HFM1: variants seen among roughly 807,000 people sequenced by gnomAD.
HFM1 encodes helicase for meiosis 1.
HFM1 carries 169 observed loss-of-function variants against 192.1 expected under a neutral mutation model. The ratio of observed to expected loss-of-function variants is 0.88; its 90% CI spans 0.78 to 1.00. HFM1 has a LOEUF of 1.00. Ranked by LOEUF, HFM1 falls within the 50% of genes least tolerant of loss-of-function variation. HFM1 has a pLI of 0.00. For missense variants in HFM1, 1,661 were observed against 1,668.0 expected, an observed-to-expected ratio of 1.00 and a Z score of 0.07; for synonymous variants, 525 against 537.8, an observed-to-expected ratio of 0.98 and a Z score of 0.33.
intron 30 of HFM1, among the ~76,000 whole-genome samples, chr1:91,290,496 G>C (rs985496527): frequency 3.3e-5 from 5 of 152,150 alleles, no homozygotes; most frequent in African/African-American, 1.2e-4. Context: ...AACAAGAAGA[G>C]CTAACTATCC....
At chr1:91,274,581 C>A in intron 33 of HFM1, 149 bp downstream of exon 33, 2 of 439,008 alleles carry the variant, frequency 4.6e-6, no homozygotes, top group South Asian at 5.3e-5. Context: ...ATAATGAAAC[C>A]ATTATGATGT....
chr1:91,363,802 T>C (rs1463605130), intron 13 of HFM1, among the ~76,000 whole-genome samples: 2 of 152,170 alleles, frequency 1.3e-5, no homozygotes, highest in African/African-American at 4.8e-5. Context: ...CCATCAGTGA[T>C]AGACTGGATA....
At chr1:91,406,355 G>C (rs537213556), upstream of HFM1, among the ~76,000 whole-genome samples, 4 of 152,318 alleles carry the variant, frequency 2.6e-5, no homozygotes, top group East Asian at 7.7e-4. Flanking sequence ...GTACAGGGGA[G>C]TCTTACTGTC....
At chr1:91,358,343 C>G (rs1172880719) in intron 13 of HFM1, among the ~76,000 whole-genome samples, 1 of 151,884 alleles carries the variant, frequency 6.6e-6, no homozygotes, top group Non-Finnish European at 1.5e-5. Flanking sequence ...TGGATAGTGA[C>G]AGCAAAACTG....
chr1:91,313,124 A>G (rs1274728115), intron 30 of HFM1, among the ~76,000 whole-genome samples: 2 of 152,160 alleles, frequency 1.3e-5, no homozygotes, highest in Non-Finnish European at 2.9e-5. Context: ...ACTAATACAT[A>G]TACCAAAAGA....
At chr1:91,322,842 C>A (rs1652334061) in intron 23 of HFM1, 108 bp downstream of exon 23, 4 of 514,726 alleles carry the variant, frequency 7.8e-6, no homozygotes, top group South Asian at 4.2e-5. Flanking sequence ...AATTTCACAT[C>A]CACATTCTGA....
intron 36 of HFM1, 81 bp from the exon 37 acceptor site, chr1:91,262,673 AAT>A: frequency 1.2e-6 from 1 of 822,874 alleles, no homozygotes; most frequent in Non-Finnish European, 2.0e-6. Flanking sequence ...ATTTTTGGGG[AAT>A]ATGATCAAAG....
At position 91,295,580 on chromosome 1, in the gene HFM1, G is replaced by A. The variant is rs140991320; in HGVS notation, c.3391+17769C>T. On this transcript the variant is annotated intron_variant, in intron 30 of 38. Coordinates refer to ENST00000370425, the MANE Select transcript of HFM1 (RefSeq NM_001017975.6). ...ACAGACCCTATCTCCAAATATAGTCGCATTCTGAGGAATTCAGCATATTTA... is the reference window on the plus strand; with the variant it reads ...ACAGACCCTATCTCCAAATATAGTCACATTCTGAGGAATTCAGCATATTTA... Among the ~76,000 whole-genome samples, 8 of 152,050 alleles carry A rather than the reference G, an allele frequency of 5.3e-5. No individual in the cohort carries two copies. In the South Asian group the frequency reaches 8.3e-4, roughly 16 times the overall value.
At chr1:91,351,197 AAG>A (rs1241731466) in intron 17 of HFM1, among the ~76,000 whole-genome samples, 7 of 151,930 alleles carry the variant, frequency 4.6e-5, no homozygotes, top group African/African-American at 1.7e-4. Context: ...AAGTTAAAAT[AAG>A]AAGTGAAAAT....
At chr1:91,265,375 C>T (rs1325214400) in intron 36 of HFM1, among the ~76,000 whole-genome samples, 3 of 152,102 alleles carry the variant, frequency 2.0e-5, no homozygotes, top group Non-Finnish European at 4.4e-5. Flanking sequence ...CTTGAAAAGT[C>T]AGAATATTTT....
chr1:91,364,545 TTGA>T (rs1340544752), intron 13 of HFM1, among the ~76,000 whole-genome samples: 2 of 149,378 alleles, frequency 1.3e-5, no homozygotes, highest in African/African-American at 4.9e-5. Context: ...TAAAGGTCTG[TTGA>T]TGAACTAATG....
chr1:91,371,927 G>A (rs200118137), intron 13 of HFM1, among the ~76,000 whole-genome samples: 30,207 of 152,094 alleles, frequency 0.2, 3,692 homozygotes, highest in South Asian at 0.35. Context: ...AGTGGGTGAA[G>A]GATATGAACA....
intron 20 of HFM1, among the ~76,000 whole-genome samples, chr1:91,342,406 T>C (rs760567243): frequency 5.3e-5 from 8 of 152,184 alleles, no homozygotes; most frequent in Non-Finnish European, 8.8e-5. Context: ...AACACCATCA[T>C]GTGAGAGGTG....
At position 91,276,683 on chromosome 1, in the gene HFM1, G is replaced by T; in HGVS notation, c.3533C>A (p.Ser1178Tyr). 1 of 1,568,532 alleles carries T rather than the reference G, an allele frequency of 6.4e-7. No individual in the cohort carries two copies. Among genetic ancestry groups the T allele is most frequent in the Non-Finnish European group, 8.6e-7 (1 of 1,163,616 alleles). The change falls in exon 32 of 39, where the codon TCT becomes TAT. Residue 1178 changes from serine (S) to tyrosine (Y), a missense_variant. By Grantham distance (144) the Ser-to-Tyr change is moderately radical. Coordinates refer to ENST00000370425, the MANE Select transcript of HFM1 (RefSeq NM_001017975.6). ...AACAGCATTCCTGTTTCTTAAATCAGATAAATATGAAGAAATTGTTGACTC... is the reference window on the plus strand; with the variant it reads ...AACAGCATTCCTGTTTCTTAAATCATATAAATATGAAGAAATTGTTGACTC... ...IKESTISSYLSDLRNRNAVSS... is the reference protein window; with the variant it reads ...IKESTISSYLYDLRNRNAVSS...
rs148621509 is a variant in HFM1, at chr1:91,343,385, T to C, written c.2335+45A>G. On this transcript the variant is annotated intron_variant, in intron 20 of 38. Transcript: ENST00000370425. ...AGTAAAACAAAATTTTAATTTAGTC[T>C]TAAGTAAACAATTGCTAAATTTACT... 925 of 929,688 alleles carry C rather than the reference T, an allele frequency of 9.9e-4. 6 individuals are homozygous for C. The African/African-American group carries it at 0.014, about 14-fold the overall frequency. 57.6% of individuals were successfully genotyped at this position (929,688 alleles called of 1,614,324 possible).
chr1:91,318,660 G>A (rs546304926), intron 25 of HFM1, among the ~76,000 whole-genome samples: 1 of 152,112 alleles, frequency 6.6e-6, no homozygotes, highest in Admixed American at 6.5e-5. Flanking sequence ...AAAAAATTAA[G>A]ACATAAAGAG....
At chr1:91,380,680 G>C (rs1354568456) in intron 7 of HFM1, among the ~76,000 whole-genome samples, 1 of 152,084 alleles carries the variant, frequency 6.6e-6, no homozygotes, top group African/African-American at 2.4e-5. Context: ...CTTGAACCTG[G>C]GAAGCAGAAG....
chr1:91,274,015 T>TA (rs1371852713), intron 33 of HFM1, among the ~76,000 whole-genome samples, 200 bp from the exon 34 acceptor site: 1 of 152,122 alleles, frequency 6.6e-6, no homozygotes, highest in African/African-American at 2.4e-5. Context: ...CTTAGTTAGA[T>TA]AACAAAAGCC....
chr1:91,397,206 C>A (rs1037065164), intron 2 of HFM1, among the ~76,000 whole-genome samples: 1 of 152,180 alleles, frequency 6.6e-6, no homozygotes, highest in African/African-American at 2.4e-5. Context: ...TTAGTCCAAA[C>A]CATCTACAAA....
Sources: allele counts gnomAD v4.1 joint callset (sites outside exome capture counted in the v4.1 genomes callset), GRCh38; gene constraint gnomAD v4.1.1; transcripts MANE v1.5; gene names NCBI Gene and HGNC (gene_info 2026-07-23, HGNC 2026-07-21).